SDK1: variants seen among roughly 807,000 people sequenced by gnomAD.
The protein encoded by SDK1 is protein sidekick-1.
A neutral mutation model predicts 245.5 loss-of-function variants in SDK1; 157 were observed. That is an observed-to-expected ratio of 0.64 (90% CI 0.56 to 0.73). The LOEUF is 0.73. SDK1 is among the 30% of genes least tolerant of loss of function. The probability of loss-of-function intolerance (pLI) is 0.00; values close to 1 mark genes in which losing one functional copy is unlikely to be tolerated. For missense variants in SDK1, 3,583 were observed against 3,002.3 expected, an observed-to-expected ratio of 1.19 and a Z score of -4.52; for synonymous variants, 1,647 against 1,278.5, an observed-to-expected ratio of 1.29 and a Z score of -6.15.
chr7:3,587,502 G>A (rs1780728504), intron 1 of SDK1, among the ~76,000 whole-genome samples: 1 of 152,152 alleles, frequency 6.6e-6, no homozygotes, highest in African/African-American at 2.4e-5. Flanking sequence ...CTAAGAACCA[G>A]GAGTGCCAAG....
chr7:4,028,495 G>C (rs1052844776), intron 17 of SDK1, among the ~76,000 whole-genome samples: 1 of 152,180 alleles, frequency 6.6e-6, no homozygotes. Flanking sequence ...TGGGAGGCTG[G>C]AGTCTCCTTA....
chr7:4,200,086 C>A (rs570343875), intron 35 of SDK1, among the ~76,000 whole-genome samples: 1 of 152,152 alleles, frequency 6.6e-6, no homozygotes, highest in Non-Finnish European at 1.5e-5. Context: ...CAGAGTGATA[C>A]TCCATCCCCC....
At chr7:4,149,626 T>C (rs995296007) in intron 30 of SDK1, among the ~76,000 whole-genome samples, 163 bp downstream of exon 30, 3 of 152,152 alleles carry the variant, frequency 2.0e-5, no homozygotes, top group African/African-American at 7.2e-5. Flanking sequence ...ATCCCAGAAC[T>C]CCTGGGTCCT....
chr7:3,467,745 C>G (rs141420980), intron 1 of SDK1, among the ~76,000 whole-genome samples: 1 of 151,962 alleles, frequency 6.6e-6, no homozygotes, highest in Non-Finnish European at 1.5e-5. Context: ...TAAAGGTAAA[C>G]TTAATTTTTT....
intron 5 of SDK1, among the ~76,000 whole-genome samples, chr7:3,865,633 C>T (rs1780802291): frequency 1.3e-5 from 2 of 151,964 alleles, no homozygotes; most frequent in South Asian, 4.1e-4. Flanking sequence ...CTCAGCCCCT[C>T]AAGTAACTGG....
intron 5 of SDK1, among the ~76,000 whole-genome samples, chr7:3,893,077 C>T (rs1781501636): frequency 6.6e-6 from 1 of 152,202 alleles, no homozygotes; most frequent in Non-Finnish European, 1.5e-5. Context: ...ATCATATACC[C>T]TCTGACTCTG....
intron 1 of SDK1, among the ~76,000 whole-genome samples, chr7:3,545,988 GA>G (rs749446201): frequency 9.9e-5 from 15 of 152,154 alleles, no homozygotes; most frequent in Non-Finnish European, 2.1e-4. Flanking sequence ...GTAACCTATT[GA>G]TATTTCTGTC....
chr7:3,561,542 G>A (rs1392476351), intron 1 of SDK1, among the ~76,000 whole-genome samples: 1 of 152,136 alleles, frequency 6.6e-6, no homozygotes, highest in Non-Finnish European at 1.5e-5. Context: ...TGGTGGTGGT[G>A]GTGTTTATTT....
intron 4 of SDK1, among the ~76,000 whole-genome samples, chr7:3,789,084 G>A (rs1029083395): frequency 2.0e-5 from 3 of 152,194 alleles, no homozygotes; most frequent in African/African-American, 7.2e-5. Flanking sequence ...CAAGGATACA[G>A]CCTGAAAGAA....
At chr7:3,882,925 C>T (rs1403140178) in intron 5 of SDK1, among the ~76,000 whole-genome samples, 1 of 152,176 alleles carries the variant, frequency 6.6e-6, no homozygotes, top group Non-Finnish European at 1.5e-5. Context: ...GCTTTTTTCC[C>T]CTTCAAATGT....
intron 4 of SDK1, among the ~76,000 whole-genome samples, chr7:3,787,445 C>A (rs182734700): frequency 7.2e-4 from 110 of 152,138 alleles, no homozygotes; most frequent in Admixed American, 1.2e-3. Context: ...TGTGTTCCTC[C>A]CATTTGAGCT....
intron 5 of SDK1, among the ~76,000 whole-genome samples, chr7:3,908,121 A>G (rs1779021396): frequency 6.6e-6 from 1 of 152,102 alleles, no homozygotes; most frequent in Admixed American, 6.6e-5. Flanking sequence ...GGCTTCTGTG[A>G]TACACACAGA....
chr7:3,762,195 G>T (rs897078345), intron 4 of SDK1, among the ~76,000 whole-genome samples: 1 of 152,284 alleles, frequency 6.6e-6, no homozygotes, highest in Middle Eastern at 3.4e-3. Flanking sequence ...GCTTAGATCC[G>T]TGGTTTCTAG....
At chr7:3,666,262 T>G (rs1972767) in intron 4 of SDK1, among the ~76,000 whole-genome samples, 145,366 of 152,178 alleles carry the variant, frequency 0.96, 69,552 homozygotes, top group African/African-American at 0.99. Flanking sequence ...GCCTTGTCTG[T>G]CGGGCTTGTT....
chr7:4,029,560 C>T (rs888139733), intron 17 of SDK1, among the ~76,000 whole-genome samples: 1 of 151,436 alleles, frequency 6.6e-6, no homozygotes, highest in Non-Finnish European at 1.5e-5. Context: ...ATTCAGTAAG[C>T]ACTTTGTAGA....
At chr7:3,527,971 G>T (rs950787909) in intron 1 of SDK1, among the ~76,000 whole-genome samples, 14 of 149,112 alleles carry the variant, frequency 9.4e-5, no homozygotes, top group Non-Finnish European at 2.1e-4. Flanking sequence ...CGGGTGAGTG[G>T]TGGGAGGTGA....
intron 1 of SDK1, among the ~76,000 whole-genome samples, chr7:3,445,618 A>C (rs1373558025): frequency 6.6e-6 from 1 of 152,218 alleles, no homozygotes; most frequent in Non-Finnish European, 1.5e-5. Flanking sequence ...GTACACATCA[A>C]AATCAGAAAA....
chr7:3,419,004 C>G (rs1397021951), intron 1 of SDK1, among the ~76,000 whole-genome samples: 1 of 152,200 alleles, frequency 6.6e-6, no homozygotes, highest in East Asian at 1.9e-4. Context: ...AATGTTATAT[C>G]AAAAGTCGTA....
intron 1 of SDK1, among the ~76,000 whole-genome samples, chr7:3,366,070 T>C (rs1781083044): frequency 1.3e-5 from 2 of 152,078 alleles, no homozygotes; most frequent in African/African-American, 4.8e-5. Context: ...TCATATATTT[T>C]TTCTGTGTAG....
Sources: gnomAD v4.1 joint callset for allele counts (sites outside exome capture counted in the v4.1 genomes callset) on GRCh38, gnomAD v4.1.1 for gene constraint, MANE v1.5 for transcripts, NCBI Gene and HGNC (gene_info 2026-07-23, HGNC 2026-07-21) for gene names.